GSDMC: variants seen among roughly 807,000 people sequenced by gnomAD.
GSDMC encodes the protein gasdermin C.
A neutral mutation model predicts 58.0 loss-of-function variants in GSDMC; 59 were observed. That is an observed-to-expected ratio of 1.02 (90% CI 0.82 to 1.26). The LOEUF (loss-of-function observed/expected upper bound fraction) is 1.26, where lower values mean the gene tolerates loss of function less well. Ranked by LOEUF, GSDMC falls within the 50% of genes most tolerant of loss-of-function variation. GSDMC has a pLI of 0.00. For synonymous variants in GSDMC, 241 were observed against 220.2 expected (o/e 1.09, Z -0.83); for missense variants, 659 against 598.5 (o/e 1.10, Z -1.06).
At chr8:129,729,458 C>T in the GSDMC span, among the ~76,000 whole-genome samples, 1 of 152,130 alleles carries the variant, frequency 6.6e-6, no homozygotes, top group Non-Finnish European at 1.5e-5. Context: ...TTTCCCTCCC[C>T]CCTTCTCCCA....
At chr8:129,754,849 T>C (rs1420698110) in intron 6 of GSDMC, among the ~76,000 whole-genome samples, 1 of 152,102 alleles carries the variant, frequency 6.6e-6, no homozygotes, top group Non-Finnish European at 1.5e-5. Context: ...CACTTAATAA[T>C]AGACTCAATC....
chr8:129,714,970 A>T, the GSDMC span, among the ~76,000 whole-genome samples: 1 of 152,236 alleles, frequency 6.6e-6, no homozygotes, highest in Non-Finnish European at 1.5e-5. Flanking sequence ...CATAATATAC[A>T]TGTCAATTAT....
intron 6 of GSDMC, among the ~76,000 whole-genome samples, chr8:129,758,655 C>A (rs1276747833): frequency 1.3e-5 from 2 of 151,838 alleles, no homozygotes; most frequent in Non-Finnish European, 2.9e-5. Context: ...TTAACTTAAC[C>A]AAAGAAGTGA....
chr8:129,765,560 T>A, intron 4 of GSDMC, 68 bp downstream of exon 4: 1 of 1,137,466 alleles, frequency 8.8e-7, no homozygotes, highest in Non-Finnish European at 1.3e-6. Flanking sequence ...CCCTAGGAAA[T>A]GAAGCTTGGC....
At chr8:129,709,499 TAGATAGAC>T in the GSDMC span, among the ~76,000 whole-genome samples, 125 of 116,226 alleles carry the variant, frequency 1.1e-3, no homozygotes, top group African/African-American at 6.8e-3. Context: ...AGATAGATGA[TAGATAGAC>T]AGATGATAGA....
intron 3 of GSDMC, among the ~76,000 whole-genome samples, chr8:129,769,577 A>G (rs1012571770): frequency 6.6e-6 from 1 of 152,186 alleles, no homozygotes; most frequent in Non-Finnish European, 1.5e-5. Context: ...CAAAGAGAAT[A>G]CAAGGGCTGA....
chr8:129,744,899 G>A (rs2032930435), downstream of GSDMC, among the ~76,000 whole-genome samples: 1 of 152,168 alleles, frequency 6.6e-6, no homozygotes, highest in South Asian at 2.1e-4. Context: ...ATGGATATTG[G>A]AAGTCAATAT....
chr8:129,742,521 G>T, the GSDMC span, among the ~76,000 whole-genome samples: 2 of 152,080 alleles, frequency 1.3e-5, no homozygotes, highest in African/African-American at 2.4e-5. Context: ...GGTCTCTAGG[G>T]TTTTCTCTCT....
intron 3 of GSDMC, among the ~76,000 whole-genome samples, chr8:129,766,723 C>G (rs766596230): frequency 6.6e-6 from 1 of 152,138 alleles, no homozygotes; most frequent in Non-Finnish European, 1.5e-5. Context: ...TTTACTTTGG[C>G]AGCATCACCC....
At chr8:129,771,243 T>C (rs945367186) in intron 3 of GSDMC, among the ~76,000 whole-genome samples, 1 of 151,878 alleles carries the variant, frequency 6.6e-6, no homozygotes, top group African/African-American at 2.4e-5. Flanking sequence ...TACCCACTCT[T>C]ACTAATGGCC....
intron 8 of GSDMC, 94 bp from the exon 9 acceptor site, chr8:129,751,985 C>T: frequency 6.9e-7 from 1 of 1,455,050 alleles, no homozygotes; most frequent in Non-Finnish European, 9.7e-7. Flanking sequence ...TCTTCTCTAT[C>T]TGTTCCTGCC....
downstream of GSDMC, among the ~76,000 whole-genome samples, chr8:129,746,454 T>A (rs72718320): frequency 6.6e-6 from 1 of 152,070 alleles, no homozygotes; most frequent in Non-Finnish European, 1.5e-5. Flanking sequence ...AGATAATGTA[T>A]GGAGAATCCT....
chr8:129,718,365 A>G, the GSDMC span, among the ~76,000 whole-genome samples: 1 of 152,246 alleles, frequency 6.6e-6, no homozygotes, highest in Non-Finnish European at 1.5e-5. Flanking sequence ...TGGGCAAAGT[A>G]TATGAACAGA....
chr8:129,725,247 C>A, the GSDMC span, among the ~76,000 whole-genome samples: 1 of 152,204 alleles, frequency 6.6e-6, no homozygotes, highest in Non-Finnish European at 1.5e-5. Flanking sequence ...ACGTCCCTGT[C>A]CTGTTCCCTG....
downstream of GSDMC, among the ~76,000 whole-genome samples, chr8:129,744,557 A>G (rs995968238): frequency 2.6e-5 from 4 of 152,244 alleles, no homozygotes; most frequent in Admixed American, 6.5e-5. Flanking sequence ...ATTGATTTTC[A>G]TTCATGCAGA....
rs777495083 is a variant in GSDMC, at chr8:129,777,542, T to C, written c.46A>G (p.Ile16Val). 3 of 1,613,332 alleles carry C rather than the reference T, an allele frequency of 1.9e-6. No individual in the cohort carries two copies. The highest frequency in any genetic ancestry group is 1.7e-5 in the Admixed American group (1 of 60,024). ...ERISKNLVKE[I>V]GSKDLTPVKY... ...ACAGGTGTCAGGTCTTTGCTTCCAA[T>C]CTCTTTGACCAAATTTTTGCTAATG... is the stretch of plus-strand genomic sequence containing the variant. The change falls in exon 2 of 14, where the codon ATT (isoleucine) becomes GTT (valine). Residue 16 changes from isoleucine to valine, a missense_variant. Coordinates refer to ENST00000276708, the MANE Select transcript of GSDMC (RefSeq NM_031415.3).
intron 3 of GSDMC, among the ~76,000 whole-genome samples, chr8:129,770,251 T>A (rs1435891032): frequency 6.6e-6 from 1 of 152,176 alleles, no homozygotes; most frequent in Non-Finnish European, 1.5e-5. Context: ...TCTCAGCACT[T>A]TGGGAGTCCA....
chr8:129,750,212 G>A (rs1189833492), intron 11 of GSDMC, 93 bp from the exon 12 acceptor site: 6 of 1,134,732 alleles, frequency 5.3e-6, no homozygotes, highest in Non-Finnish European at 6.1e-6. Flanking sequence ...CAAGGGGTAG[G>A]CATGAGGGTT....
the GSDMC span, among the ~76,000 whole-genome samples, chr8:129,733,755 G>A: frequency 1.8e-4 from 26 of 147,106 alleles, no homozygotes; most frequent in Middle Eastern, 3.4e-3. Context: ...AAACCAGAGC[G>A]CCTCTTCTCC....
Sources: allele counts gnomAD v4.1 joint callset (sites outside exome capture counted in the v4.1 genomes callset), GRCh38; gene constraint gnomAD v4.1.1; transcripts MANE v1.5; gene names NCBI Gene and HGNC (gene_info 2026-07-23, HGNC 2026-07-21).